ZP3: variants seen among roughly 807,000 people sequenced by gnomAD.
ZP3 encodes the protein zona pellucida glycoprotein 3.
ZP3 carries 21 observed loss-of-function variants against 35.6 expected under a neutral mutation model. That is an observed-to-expected ratio of 0.59 (90% CI 0.42 to 0.85). The LOEUF (loss-of-function observed/expected upper bound fraction) is 0.85, where lower values mean the gene tolerates loss of function less well. Among genes scored for constraint, ZP3 ranks in the 40% least tolerant of loss-of-function variants. ZP3 has a pLI of 0.00. For missense variants in ZP3, 437 were observed against 536.5 expected, an observed-to-expected ratio of 0.81 and a Z score of 1.83; for synonymous variants, 207 against 214.5, an observed-to-expected ratio of 0.96 and a Z score of 0.31.
intron 1 of ZP3, among the ~76,000 whole-genome samples, chr7:76,418,482 C>A (rs931877604): frequency 2.3e-5 from 3 of 132,154 alleles, no homozygotes; most frequent in African/African-American, 8.6e-5. Flanking sequence ...ACCTGAAAGG[C>A]GGAGGTTGCA....
At chr7:76,401,115 C>T in intron 1 of ZP3, 1 of 1,473,248 alleles carries the variant, frequency 6.8e-7, no homozygotes, top group Non-Finnish European at 9.0e-7. Flanking sequence ...GAACACACCC[C>T]CCAACTCCCA....
chr7:76,413,416 C>T (rs1017038859), intron 1 of ZP3, among the ~76,000 whole-genome samples: 3 of 151,948 alleles, frequency 2.0e-5, no homozygotes, highest in African/African-American at 4.8e-5. Context: ...GCGCATGCCA[C>T]CACAACTTGC....
intron 5 of ZP3, among the ~76,000 whole-genome samples, chr7:76,437,400 T>C (rs1233830841): frequency 1.5e-4 from 23 of 151,654 alleles, no homozygotes; most frequent in African/African-American, 5.1e-4. Context: ...GGTCTTAAAC[T>C]CCTGACCTCA....
intron 1 of ZP3, among the ~76,000 whole-genome samples, chr7:76,400,097 G>T (rs898087048): frequency 6.6e-6 from 1 of 152,202 alleles, no homozygotes; most frequent in Non-Finnish European, 1.5e-5. Flanking sequence ...CAAGGTCAGG[G>T]TCAGGCAATG....
chr7:76,416,718 A>G (rs184242475), intron 1 of ZP3, among the ~76,000 whole-genome samples: 1 of 151,336 alleles, frequency 6.6e-6, no homozygotes, highest in Non-Finnish European at 1.5e-5. Context: ...AGAGTCGCTT[A>G]AGCCTGCGAG....
intron 1 of ZP3, among the ~76,000 whole-genome samples, chr7:76,405,354 T>TCTTTC: frequency 4.4e-5 from 5 of 113,884 alleles, no homozygotes; most frequent in African/African-American, 1.3e-4. Context: ...TTTTTTTTTT[T>TCTTTC]TTTTTTTGGT....
chr7:76,402,757 C>G (rs1180618243), intron 1 of ZP3, among the ~76,000 whole-genome samples: 1 of 152,154 alleles, frequency 6.6e-6, no homozygotes, highest in Non-Finnish European at 1.5e-5. Context: ...GCAACCTCCC[C>G]CTCCTGGGTT....
At chr7:76,435,814 TGCCTCCGGGTGCAAGCAATTCTGCCTCA>T (rs370771011) in intron 5 of ZP3, among the ~76,000 whole-genome samples, 1,862 of 151,202 alleles carry the variant, frequency 0.012, 45 homozygotes, top group African/African-American at 0.043. Context: ...CTGCAACCTC[TGCCTCCGGGTGCAAGCAATTCTGCCTCA>T]GCCTCCTGAG....
chr7:76,400,339 C>T, intron 1 of ZP3: 1 of 1,520,854 alleles, frequency 6.6e-7, no homozygotes, highest in East Asian at 2.4e-5. Context: ...GACGCCCCAG[C>T]CGCGGCTGCC....
chr7:76,411,172 A>G (rs1020285169), intron 1 of ZP3, among the ~76,000 whole-genome samples: 5 of 148,870 alleles, frequency 3.4e-5, no homozygotes, highest in Non-Finnish European at 6.0e-5. Context: ...CATCTCAGGG[A>G]CCTCTTTCCC....
Position 76,399,224 on chromosome 7 carries a change from G to A in ZP3, c.-67+1427G>A, listed in dbSNP as rs572006148. ...GATGGGGTTTCACCATGTTGGTCAGGCTGGTCTTGAACTCCTGACCTCAGG... is the reference window on the plus strand; with the variant it reads ...GATGGGGTTTCACCATGTTGGTCAGACTGGTCTTGAACTCCTGACCTCAGG... On this transcript the variant is annotated intron_variant, in intron 1 of 8. Transcript: ENST00000336517. Among the ~76,000 whole-genome samples the A allele has an allele frequency of 1.4e-4, 22 of 152,092 alleles. 1 individual carries two copies. The highest frequency in any genetic ancestry group is 8.3e-4 in the South Asian group (4 of 4,810).
intron 1 of ZP3, among the ~76,000 whole-genome samples, chr7:76,413,056 G>A (rs543755534): frequency 2.1e-5 from 3 of 144,770 alleles, no homozygotes; most frequent in East Asian, 4.2e-4. Flanking sequence ...TGTGCCTCCT[G>A]GGTTCAAACG....
rs1373947963 is a variant in ZP3, at chr7:76,425,017, A to T, written c.53A>T (p.Glu18Val). The T allele has an allele frequency of 2.5e-6, 4 of 1,580,618 alleles. No homozygotes were observed. The highest frequency in any genetic ancestry group is 2.6e-6 in the Non-Finnish European group (3 of 1,163,972). ...TGCCTCCTGCTCTGGGGTAGTACTG[A>T]GCTGTGCTACCCCCAACCCCTCTGG... ...FICLLLWGSTELCYPQPLWLL... is the reference protein window; with the variant it reads ...FICLLLWGSTVLCYPQPLWLL... Residue 18 changes from glutamate to valine, a missense_variant, in exon 1 of 8, where the codon GAG becomes GTG. Around this residue, in one of 6 missense-constraint regions of ZP3, gnomAD observed 352 missense variants for 308.4 expected, o/e 1.14. Coordinates refer to ENST00000394857, the MANE Select transcript of ZP3 (RefSeq NM_001110354.2).
chr7:76,436,851 A>G (rs1427794397), intron 5 of ZP3, among the ~76,000 whole-genome samples: 1 of 152,244 alleles, frequency 6.6e-6, no homozygotes, highest in African/African-American at 2.4e-5. Context: ...CAGCATGGGT[A>G]TGGACTGAGG....
intron 1 of ZP3, among the ~76,000 whole-genome samples, chr7:76,405,351 T>C (rs1393663618): frequency 4.7e-4 from 49 of 103,490 alleles, no homozygotes; most frequent in Middle Eastern, 4.9e-3. Context: ...TTTTTTTTTT[T>C]TTTTTTTTTT....
upstream of ZP3, among the ~76,000 whole-genome samples, chr7:76,423,885 G>A (rs531824354): frequency 2.0e-5 from 3 of 151,870 alleles, no homozygotes; most frequent in East Asian, 3.9e-4. Context: ...TGCCCTGGTC[G>A]GGGTGAGCTG....
chr7:76,397,878 G>GC, intron 1 of ZP3: 2 of 1,465,692 alleles, frequency 1.4e-6, no homozygotes, highest in East Asian at 5.0e-5. Flanking sequence ...ACTGGCCTCT[G>GC]CCCCCGTCCG....
At chr7:76,439,131 C>CAA (rs775953355) in intron 5 of ZP3, among the ~76,000 whole-genome samples, 37 of 75,356 alleles carry the variant, frequency 4.9e-4, no homozygotes, top group East Asian at 1.5e-3. Context: ...GACTCCACCT[C>CAA]AAAAAAAAAA....
chr7:76,419,408 G>C (rs577076939), intron 1 of ZP3, among the ~76,000 whole-genome samples: 2 of 152,264 alleles, frequency 1.3e-5, no homozygotes, highest in Non-Finnish European at 2.9e-5. Flanking sequence ...AATTGACACA[G>C]CTCCTTTTCT....
Sources: gnomAD v4.1 joint callset for allele counts (sites outside exome capture counted in the v4.1 genomes callset) on GRCh38, gnomAD v4.1.1 for gene constraint, gnomAD v4.1.1 regional missense constraint, MANE v1.5 for transcripts, NCBI Gene and HGNC (gene_info 2026-07-23, HGNC 2026-07-21) for gene names.